ZFP64: variants seen among roughly 807,000 people sequenced by gnomAD.
ZFP64 encodes the protein zinc finger protein 64.
Under a neutral mutation model 51.6 loss-of-function variants are expected in ZFP64, and 14 were observed. That is an observed-to-expected ratio of 0.27 (90% CI 0.18 to 0.42). The LOEUF is 0.42. Among genes scored for constraint, ZFP64 ranks in the 10% least tolerant of loss-of-function variants. The pLI, the probability that ZFP64 is intolerant of heterozygous loss-of-function variation, is 1.00. For missense variants in ZFP64, 754 were observed against 906.8 expected (o/e 0.83, Z 2.16); for synonymous variants, 375 against 361.4 (o/e 1.04, Z -0.43).
In ZFP64 at chr20:52,153,028, C is replaced by T. The variant is rs778766594; in HGVS notation, c.1164G>A (p.Lys388=). The T allele has an allele frequency of 2.5e-6, 4 of 1,613,988 alleles. No homozygotes were observed. The African/African-American group carries it at 4.0e-5, about 16-fold the overall frequency. ...FDTKQPSNLS[K]HMKKFHGDMV... is the part of the protein sequence containing the mutation. The stretch of plus-strand genomic sequence containing the variant: ...TGTCCCCATGGAACTTCTTCATGTG[C>T]TTGCTCAGGTTGCTGGGCTGTTTGG... The change falls in exon 6 of 6, where the codon AAG becomes AAA. Residue 388 remains lysine, a synonymous_variant. Transcript: ENST00000216923. This position sits in a 1 kb window ranked among gnomAD's most constrained non-coding sequence, Gnocchi z 5.1.
At chr20:52,105,054 C>CA in intron 5 of ZFP64, 1 of 1,390,182 alleles carries the variant, frequency 7.2e-7, no homozygotes, top group Non-Finnish European at 9.3e-7. Context: ...CTGCCCGGTC[C>CA]TCGTACCCGC....
chr20:52,091,256 G>A (rs1373406116), intron 7 of ZFP64, among the ~76,000 whole-genome samples: 17 of 151,508 alleles, frequency 1.1e-4, no homozygotes, highest in African/African-American at 1.2e-4. Context: ...CCAGCACACT[G>A]GGAGGCCAAG....
rs540042847 is a variant in ZFP64, at chr20:52,097,295, A to C, written c.976+78T>G. Reference sequence around the variant, plus strand: ...AGATGAGGCAGAGACTGTCCTGTTCATTACTGTGTCCCTAGCGCTTAATTC... The same window carrying C: ...AGATGAGGCAGAGACTGTCCTGTTCCTTACTGTGTCCCTAGCGCTTAATTC... On this transcript the variant is annotated intron_variant, in intron 7 of 8. Coordinates refer to the ZFP64 transcript ENST00000361387. 11 of 1,514,294 alleles carry C rather than the reference A, an allele frequency of 7.3e-6. No homozygotes were observed. In the East Asian group the frequency reaches 9.0e-5, roughly 12 times the overall value. The allele number at this position is 1,514,294 out of a possible 1,614,324, so 93.8% of individuals were successfully genotyped here.
chr20:52,109,798 A>G lies in ZFP64; in HGVS notation c.764-11211T>C, dbSNP rs913703590. Reference sequence around the variant, plus strand: ...TCCACCTCAAAAAAAAAAAAAAAAAAAAAAGAAAAAAATTTGTTGCTAATT... The same window carrying G: ...TCCACCTCAAAAAAAAAAAAAAAAAGAAAAGAAAAAAATTTGTTGCTAATT... On this transcript the variant is annotated intron_variant, in intron 5 of 8. Transcript: ENST00000361387. Among the ~76,000 whole-genome samples the G allele has an allele frequency of 4.9e-4, 75 of 151,652 alleles. 2 individuals carry two copies. Among genetic ancestry groups the G allele is most frequent in the Admixed American group, 9.9e-4 (15 of 15,216 alleles).
chr20:52,143,605 A>C (rs1313717909), intron 5 of ZFP64, among the ~76,000 whole-genome samples: 1 of 141,148 alleles, frequency 7.1e-6, no homozygotes, highest in East Asian at 2.5e-4. Flanking sequence ...ACATGATCAC[A>C]GCTCACTGCA....
chr20:52,125,712 G>C (rs77029460), intron 5 of ZFP64, among the ~76,000 whole-genome samples: 94 of 152,184 alleles, frequency 6.2e-4, no homozygotes, highest in African/African-American at 2.3e-3. Context: ...ATAATAACTG[G>C]TGTCTCTGCA....
rs1322523910 is a variant in ZFP64 at position 52,088,795 on chromosome 20, G to A, written c.977-152C>T. 3.0e-6 allele frequency: 3 copies of A among 989,462 alleles called. No homozygotes were observed. In the African/African-American group the frequency reaches 4.9e-5, roughly 16 times the overall value. The allele number at this position is 989,462 out of a possible 1,614,324, so 61.3% of individuals were successfully genotyped here. On this transcript the variant is annotated intron_variant, in intron 7 of 8. Transcript: ENST00000361387. ...ATACTGAAGTCTACATCAGCATATT[G>A]GGAAACAAGAATGTGTATCATTCAT...
At chr20:52,115,047 CA>C (rs901689260) in intron 5 of ZFP64, among the ~76,000 whole-genome samples, 1 of 148,864 alleles carries the variant, frequency 6.7e-6, no homozygotes, top group African/African-American at 2.6e-5. Context: ...AATACAAAAA[CA>C]AAAAAAATTA....
At chr20:52,093,194 G>A (rs964879366) in intron 7 of ZFP64, among the ~76,000 whole-genome samples, 14 of 152,024 alleles carry the variant, frequency 9.2e-5, no homozygotes, top group African/African-American at 3.4e-4. Flanking sequence ...AGGCTGGAGT[G>A]CAGTGGCACG....
At chr20:52,171,371 ATG>A (rs1168801978) in intron 2 of ZFP64, among the ~76,000 whole-genome samples, 2 of 151,940 alleles carry the variant, frequency 1.3e-5, no homozygotes, top group African/African-American at 4.8e-5. Context: ...GTGTATGTGT[ATG>A]TGTATGTGTC....
At chr20:52,117,720 A>G (rs1978953135) in intron 5 of ZFP64, 1 of 455,526 alleles carries the variant, frequency 2.2e-6, no homozygotes, top group South Asian at 1.6e-5. Flanking sequence ...CAGCTGGGCC[A>G]TAGAATAGGT....
At chr20:52,119,532 A>AT (rs1375193716) in intron 5 of ZFP64, among the ~76,000 whole-genome samples, 15,830 of 82,570 alleles carry the variant, frequency 0.19, 977 homozygotes, top group East Asian at 0.24. Context: ...AAAAAAAAAA[A>AT]AATATATATA....
intron 5 of ZFP64, among the ~76,000 whole-genome samples, chr20:52,120,869 G>A (rs1979156949): frequency 6.6e-6 from 1 of 151,780 alleles, no homozygotes; most frequent in South Asian, 2.1e-4. Flanking sequence ...TACAGATGGG[G>A]TTTCGCCATG....
chr20:52,142,253 A>G (rs56783695), intron 5 of ZFP64, among the ~76,000 whole-genome samples: 54,885 of 151,588 alleles, frequency 0.36, 10,665 homozygotes, highest in Non-Finnish European at 0.42. Flanking sequence ...CTGTGATCCC[A>G]GCCACATGGA....
intron 5 of ZFP64, chr20:52,110,670 CAT>C: frequency 2.0e-6 from 3 of 1,467,384 alleles, no homozygotes; most frequent in Non-Finnish European, 2.8e-6. Flanking sequence ...GGCCACCTGG[CAT>C]AGCTAGCTAG....
chr20:52,102,952 A>C (rs926083742), intron 5 of ZFP64, among the ~76,000 whole-genome samples: 2 of 151,930 alleles, frequency 1.3e-5, no homozygotes, highest in African/African-American at 4.8e-5. Context: ...CATGTTTTCA[A>C]CGCAAACTAG....
intron 2 of ZFP64, among the ~76,000 whole-genome samples, chr20:52,172,211 GTGTGTGTGTT>G (rs1428793918): frequency 2.0e-5 from 3 of 151,778 alleles, no homozygotes; most frequent in African/African-American, 7.3e-5. Flanking sequence ...GTTGGTGTGT[GTGTGTGTGTT>G]TGTGTGTGTG....
intron 7 of ZFP64, among the ~76,000 whole-genome samples, chr20:52,092,571 C>T (rs1001008394): frequency 4.6e-5 from 7 of 152,070 alleles, no homozygotes; most frequent in Non-Finnish European, 1.0e-4. Context: ...GAAAACAGGC[C>T]GGGTGCAGTG....
intron 5 of ZFP64, among the ~76,000 whole-genome samples, chr20:52,134,399 G>A (rs945535036): frequency 6.6e-6 from 1 of 152,154 alleles, no homozygotes; most frequent in Non-Finnish European, 1.5e-5. Context: ...TTACAGCAGA[G>A]TCACTGATTT....
Sources: allele counts gnomAD v4.1 joint callset (sites outside exome capture counted in the v4.1 genomes callset), GRCh38; gene constraint gnomAD v4.1.1; non-coding constraint Gnocchi (gnomAD v3.1); transcripts MANE v1.5; gene names NCBI Gene and HGNC (gene_info 2026-07-23, HGNC 2026-07-21).